LRRTM4: variants seen among roughly 807,000 people sequenced by gnomAD.
LRRTM4 encodes leucine-rich repeat transmembrane neuronal protein 4.
LRRTM4 carries 25 observed loss-of-function variants against 47.6 expected under a neutral mutation model. That is an observed-to-expected ratio of 0.53 (90% confidence interval 0.38 to 0.73). The LOEUF (loss-of-function observed/expected upper bound fraction) is 0.73, where lower values mean the gene tolerates loss of function less well. Ranked by LOEUF, LRRTM4 falls within the 30% of genes least tolerant of loss-of-function variation. LRRTM4 has a pLI of 0.00. For synonymous variants in LRRTM4, 311 were observed against 269.5 expected, an observed-to-expected ratio of 1.15 and a Z score of -1.51; for missense variants, 638 against 713.4, an observed-to-expected ratio of 0.89 and a Z score of 1.20.
intron 3 of LRRTM4, among the ~76,000 whole-genome samples, chr2:77,032,952 G>C (rs572504560): frequency 3.4e-4 from 52 of 152,130 alleles, no homozygotes; most frequent in African/African-American, 1.2e-3. Flanking sequence ...CTAAGTAAGA[G>C]TGATCTACCC....
At chr2:77,360,356 C>G (rs1244287532) in intron 3 of LRRTM4, among the ~76,000 whole-genome samples, 1 of 152,018 alleles carries the variant, frequency 6.6e-6, no homozygotes, top group Non-Finnish European at 1.5e-5. Flanking sequence ...ACTCGGGAGG[C>G]TGAGGCAGGA....
At chr2:77,216,742 C>T (rs1459502882) in intron 3 of LRRTM4, among the ~76,000 whole-genome samples, 1 of 151,748 alleles carries the variant, frequency 6.6e-6, no homozygotes, top group Non-Finnish European at 1.5e-5. Flanking sequence ...ATTTCGGCGG[C>T]TTTCAGACTT....
At chr2:76,975,091 C>G (rs1460684671) in intron 3 of LRRTM4, among the ~76,000 whole-genome samples, 1 of 151,560 alleles carries the variant, frequency 6.6e-6, no homozygotes, top group East Asian at 2.0e-4. Flanking sequence ...AACAAACAAA[C>G]CAACAAAAAG....
chr2:76,998,961 G>C (rs12988557), intron 3 of LRRTM4, among the ~76,000 whole-genome samples: 1 of 151,322 alleles, frequency 6.6e-6, no homozygotes, highest in African/African-American at 2.4e-5. Flanking sequence ...GTAACTACTC[G>C]CCCTAACATG....
chr2:77,040,342 C>A (rs115598362), intron 3 of LRRTM4, among the ~76,000 whole-genome samples: 182 of 151,248 alleles, frequency 1.2e-3, no homozygotes, highest in African/African-American at 3.9e-3. Flanking sequence ...ATGGTGCACA[C>A]GAAATAACTA....
At chr2:77,477,943 GAA>G (rs1370168707) in intron 3 of LRRTM4, among the ~76,000 whole-genome samples, 6 of 138,068 alleles carry the variant, frequency 4.3e-5, no homozygotes, top group African/African-American at 1.7e-4. Context: ...AAGAAAGAAA[GAA>G]AGAAAGAAAG....
chr2:77,163,966 C>T lies in LRRTM4; in HGVS notation c.1551+354352G>A, dbSNP rs183088392. ...TCAAATTCACACATAATAATATTAA[C>T]CTTAAATGTAAATGGGCTAAAGGCT... On this transcript the variant is annotated intron_variant, in intron 3 of 3. Coordinates refer to ENST00000409884, the MANE Select transcript of LRRTM4 (RefSeq NM_001134745.3). Among the ~76,000 whole-genome samples, 15 of 152,200 alleles carry T rather than the reference C, an allele frequency of 9.9e-5. No homozygotes were observed. In the East Asian group the frequency reaches 1.9e-3, roughly 20 times the overall value.
At chr2:77,128,395 C>CATATAGATAGATAGAT (rs1553394611) in intron 3 of LRRTM4, among the ~76,000 whole-genome samples, 1 of 150,436 alleles carries the variant, frequency 6.6e-6, no homozygotes, top group African/African-American at 2.4e-5. Context: ...AATTCTGTAA[C>CATATAGATAGATAGAT]AGATAGATAG....
At chr2:76,950,926 T>C (rs1675473970) in intron 3 of LRRTM4, among the ~76,000 whole-genome samples, 1 of 152,054 alleles carries the variant, frequency 6.6e-6, no homozygotes, top group South Asian at 2.1e-4. Context: ...ACCAGACAGA[T>C]GCATTCACGT....
At chr2:76,803,234 T>C (rs1233598173) in intron 3 of LRRTM4, among the ~76,000 whole-genome samples, 3 of 152,052 alleles carry the variant, frequency 2.0e-5, no homozygotes, top group Non-Finnish European at 2.9e-5. Flanking sequence ...TATAAGGAAC[T>C]CAAACCACTC....
chr2:77,456,413 A>G (rs758199978), intron 3 of LRRTM4, among the ~76,000 whole-genome samples: 2 of 152,188 alleles, frequency 1.3e-5, no homozygotes, highest in Non-Finnish European at 2.9e-5. Context: ...CTCAAACTAA[A>G]GTAGGCTAAC....
intron 3 of LRRTM4, among the ~76,000 whole-genome samples, chr2:76,860,536 C>G (rs1672283135): frequency 6.6e-6 from 1 of 151,900 alleles, no homozygotes; most frequent in Non-Finnish European, 1.5e-5. Context: ...TTGTCCTTCA[C>G]TTAAAGAATT....
At chr2:77,179,481 T>C (rs1412403947) in intron 3 of LRRTM4, among the ~76,000 whole-genome samples, 1 of 152,178 alleles carries the variant, frequency 6.6e-6, no homozygotes, top group Non-Finnish European at 1.5e-5. Context: ...TAGTAATCGT[T>C]TGTTCAGTTG....
At chr2:77,384,978 T>C (rs901403139) in intron 3 of LRRTM4, among the ~76,000 whole-genome samples, 3 of 152,230 alleles carry the variant, frequency 2.0e-5, no homozygotes, top group Non-Finnish European at 4.4e-5. Context: ...ACCAATTCTT[T>C]ACCAGTTATA....
At chr2:76,839,331 G>A (rs1671607091) in intron 3 of LRRTM4, among the ~76,000 whole-genome samples, 1 of 152,032 alleles carries the variant, frequency 6.6e-6, no homozygotes, top group Non-Finnish European at 1.5e-5. Context: ...TGTCAGAGGG[G>A]CAAAACTCAC....
Position 76,974,221 on chromosome 2 carries a change from T to TAC in LRRTM4, c.1552-225307_1552-225306dup, listed in dbSNP as rs201550587. 4.0e-4 allele frequency among the ~76,000 whole-genome samples: 51 copies of TAC among 126,912 alleles called. 1 individual carries two copies. The highest frequency in any genetic ancestry group is 7.4e-4 in the Non-Finnish European group (46 of 61,866). The allele number at this position is 126,912 out of a possible 152,430, so 83.3% of individuals were successfully genotyped here. On this transcript the variant is annotated intron_variant, in intron 3 of 3. Transcript: ENST00000409884. ...ACATATATATATATACACATATATA[T>TAC]ACATACATATATATATATACATATA... is the stretch of plus-strand genomic sequence containing the variant.
At chr2:77,188,900 AGTT>A (rs1673586813) in intron 3 of LRRTM4, among the ~76,000 whole-genome samples, 2 of 152,130 alleles carry the variant, frequency 1.3e-5, no homozygotes, top group African/African-American at 4.8e-5. Context: ...TATGTCTTAA[AGTT>A]GTCCACTTTT....
intron 3 of LRRTM4, among the ~76,000 whole-genome samples, chr2:76,900,487 G>A (rs898032280): frequency 6.6e-6 from 1 of 151,870 alleles, no homozygotes; most frequent in Non-Finnish European, 1.5e-5. Flanking sequence ...ATATCTAATA[G>A]GGCAATGGGT....
chr2:76,899,939 C>T (rs1035875154), intron 3 of LRRTM4, among the ~76,000 whole-genome samples: 1 of 151,962 alleles, frequency 6.6e-6, no homozygotes, highest in Non-Finnish European at 1.5e-5. Context: ...TGAATATATG[C>T]TAGTAGACAC....
Sources: allele counts gnomAD v4.1 joint callset (sites outside exome capture counted in the v4.1 genomes callset), GRCh38; gene constraint gnomAD v4.1.1; transcripts MANE v1.5; gene names NCBI Gene and HGNC (gene_info 2026-07-23, HGNC 2026-07-21).